The following OSBPL6 variants were observed in gnomAD, a reference collection of about 807,000 sequenced individuals.
OSBPL6 encodes oxysterol binding protein like 6.
Under a neutral mutation model 125.8 loss-of-function variants are expected in OSBPL6, and 49 were observed. The observed-to-expected ratio is 0.39, with a 90% confidence interval of 0.31 to 0.49. The LOEUF (loss-of-function observed/expected upper bound fraction) is 0.49. Among genes scored for constraint, OSBPL6 ranks in the 20% least tolerant of loss-of-function variants. The probability of loss-of-function intolerance (pLI) is 0.88; values close to 1 mark genes in which losing one functional copy is unlikely to be tolerated. For missense variants in OSBPL6, 986 were observed against 1,135.4 expected (o/e 0.87, Z 1.89); for synonymous variants, 394 against 391.8 (o/e 1.01, Z -0.07).
intron 12 of OSBPL6, among the ~76,000 whole-genome samples, chr2:178,358,999 A>C (rs994751671): frequency 2.0e-5 from 3 of 152,060 alleles, no homozygotes; most frequent in African/African-American, 7.2e-5. Flanking sequence ...GTGAGACTCC[A>C]TCTCCACAAA....
At chr2:178,310,653 A>G (rs334600) in intron 3 of OSBPL6, among the ~76,000 whole-genome samples, 146,878 of 151,958 alleles carry the variant, frequency 0.97, 71,034 homozygotes, top group Non-Finnish European at 0.98. Context: ...TCCTGACCTC[A>G]TGATCCGCCC....
At chr2:178,340,028 A>G (rs776028337) in intron 11 of OSBPL6, among the ~76,000 whole-genome samples, 1 of 152,162 alleles carries the variant, frequency 6.6e-6, no homozygotes, top group Non-Finnish European at 1.5e-5. Context: ...TAGCCTTTGA[A>G]CCATTAAAAT....
In OSBPL6 at chr2:178,383,026, C is replaced by T. The variant is rs1694621802; in HGVS notation, c.1624C>T (p.Leu542=). Residue 542 remains leucine (L), a splice_region_variant and synonymous_variant, in exon 17 of 25, where the codon CTG becomes TTG. Coordinates refer to ENST00000190611, the MANE Select transcript of OSBPL6 (RefSeq NM_032523.4). ...SVADNISRQI[L]NGELTGGAFR... is the part of the protein sequence containing the mutation. ...CACTGTGACTCTCCTTCTTCCAGTC[C>T]TGAATGGGGAGCTTACAGGAGGGGC... 1 of 1,614,060 alleles carries T rather than the reference C, an allele frequency of 6.2e-7. No individual in the cohort carries two copies. Among genetic ancestry groups the T allele is most frequent in the African/African-American group, 1.3e-5 (1 of 75,048 alleles).
intron 23 of OSBPL6, among the ~76,000 whole-genome samples, chr2:178,392,987 G>GT (rs1299952057): frequency 6.6e-6 from 1 of 151,956 alleles, no homozygotes; most frequent in Non-Finnish European, 1.5e-5. Flanking sequence ...CAATATTTGA[G>GT]TTTTCTATGC....
chr2:178,195,508 G>T (rs1309583924), intron 1 of OSBPL6, among the ~76,000 whole-genome samples: 1 of 152,234 alleles, frequency 6.6e-6, no homozygotes, highest in Non-Finnish European at 1.5e-5. Flanking sequence ...AGCTTCTGCT[G>T]CGTATAGACA....
chr2:178,202,532 C>T (rs1205959211), intron 1 of OSBPL6, among the ~76,000 whole-genome samples: 1 of 152,004 alleles, frequency 6.6e-6, no homozygotes, highest in Admixed American at 6.6e-5. Context: ...TTTAAGATTT[C>T]TTTTTATCTG....
intron 1 of OSBPL6, among the ~76,000 whole-genome samples, chr2:178,195,921 A>G (rs2088860040): frequency 6.6e-6 from 1 of 152,210 alleles, no homozygotes; most frequent in South Asian, 2.1e-4. Flanking sequence ...AGGTAAAAAT[A>G]AGAAATTTCC....
intron 2 of OSBPL6, among the ~76,000 whole-genome samples, chr2:178,293,738 TCTAA>T (rs1174889806): frequency 6.6e-6 from 1 of 152,208 alleles, no homozygotes; most frequent in East Asian, 1.9e-4. Context: ...ATTCACTCAT[TCTAA>T]CTATTTTTTG....
intron 1 of OSBPL6, among the ~76,000 whole-genome samples, chr2:178,219,306 C>A (rs2090239741): frequency 6.6e-6 from 1 of 152,058 alleles, no homozygotes; most frequent in African/African-American, 2.4e-5. Flanking sequence ...CCCCATTTTA[C>A]AAAATAGGAA....
intron 1 of OSBPL6, among the ~76,000 whole-genome samples, chr2:178,212,924 C>T (rs757675640): frequency 2.6e-5 from 4 of 152,124 alleles, no homozygotes; most frequent in East Asian, 1.9e-4. Flanking sequence ...TCTCCCACCT[C>T]AGCCTCCCGA....
rs1696102475 is a variant in OSBPL6 at position 178,401,457 on chromosome 2, A to T, written c.*5898A>T. The T allele has an allele frequency of 6.6e-6, 1 of 152,256 alleles. No homozygotes were observed. Among genetic ancestry groups the T allele is most frequent in the South Asian group, 2.1e-4 (1 of 4,834 alleles). 9.4% of individuals were successfully genotyped at this position (152,256 alleles called of 1,614,324 possible). On this transcript the variant is annotated 3_prime_UTR_variant, in exon 25 of 25. Coordinates refer to ENST00000190611, the MANE Select transcript of OSBPL6 (RefSeq NM_032523.4). ...TGGCAGTTGTGCAAGTTGAAAGCTTATTCCTTACATCCTGAGCCTAAAAGC... is the reference window on the plus strand; with the variant it reads ...TGGCAGTTGTGCAAGTTGAAAGCTTTTTCCTTACATCCTGAGCCTAAAAGC...
At chr2:178,330,134 C>T (rs1402087795) in intron 5 of OSBPL6, among the ~76,000 whole-genome samples, 1 of 152,146 alleles carries the variant, frequency 6.6e-6, no homozygotes, top group Non-Finnish European at 1.5e-5. Flanking sequence ...CTTTGTGTTT[C>T]CCCAAATTGA....
At chr2:178,241,696 G>A (rs1478300567) in intron 1 of OSBPL6, among the ~76,000 whole-genome samples, 5 of 152,136 alleles carry the variant, frequency 3.3e-5, no homozygotes, top group African/African-American at 7.2e-5. Flanking sequence ...GATTATAGGC[G>A]TGAGCCACTG....
At chr2:178,383,337 A>G in intron 17 of OSBPL6, 60 bp downstream of exon 17, 1 of 1,556,432 alleles carries the variant, frequency 6.4e-7, no homozygotes, top group South Asian at 1.2e-5. Flanking sequence ...GACCTGGGCT[A>G]AGCCAGAATT....
Position 178,383,073 on chromosome 2 carries a change from A to C in OSBPL6, c.1671A>C (p.Ala557=). ...TGGAFRNGRR[A]CLPAPCPDTS... Reference sequence around the variant, plus strand: ...GGGCCTTCCGAAATGGGCGTCGAGCATGCCTGCCAGCTCCTTGTCCTGACA... The same window carrying C: ...GGGCCTTCCGAAATGGGCGTCGAGCCTGCCTGCCAGCTCCTTGTCCTGACA... Residue 557 remains alanine, a synonymous_variant, in exon 17 of 25, where the codon GCA becomes GCC. Coordinates refer to ENST00000190611, the MANE Select transcript of OSBPL6 (RefSeq NM_032523.4). The C allele has an allele frequency of 6.2e-7, 1 of 1,614,204 alleles. No homozygotes were observed. Among genetic ancestry groups the C allele is most frequent in the Non-Finnish European group, 8.5e-7 (1 of 1,180,032 alleles).
chr2:178,282,633 T>C (rs1684313288), intron 1 of OSBPL6, among the ~76,000 whole-genome samples: 1 of 152,094 alleles, frequency 6.6e-6, no homozygotes, highest in Admixed American at 6.6e-5. Flanking sequence ...AAGGAAGAGA[T>C]GGCTAAGGGA....
intron 1 of OSBPL6, among the ~76,000 whole-genome samples, chr2:178,261,930 G>A (rs1559174731): frequency 3.9e-5 from 6 of 152,096 alleles, no homozygotes; most frequent in Admixed American, 3.3e-4. Context: ...CAGTGGTTCT[G>A]GTTTTCCTTT....
intron 1 of OSBPL6, among the ~76,000 whole-genome samples, chr2:178,256,278 T>C (rs1486590735): frequency 6.6e-6 from 1 of 152,192 alleles, no homozygotes; most frequent in African/African-American, 2.4e-5. Flanking sequence ...GACATAGCTT[T>C]GGTATTTTGT....
rs1246232590 is a variant in OSBPL6 at position 178,292,172 on chromosome 2, T to C, written c.-156+7051T>C. The stretch of plus-strand genomic sequence containing the variant: ...TTGGTACAGGACCTTCCAGTAAACT[T>C]TTAACCCGTCTTCTCAAAATATCTT... On this transcript the variant is annotated intron_variant, in intron 2 of 24. Coordinates refer to ENST00000190611, the MANE Select transcript of OSBPL6 (RefSeq NM_032523.4). Among the ~76,000 whole-genome samples, 3 of 152,036 alleles carry C rather than the reference T, an allele frequency of 2.0e-5. No individual in the cohort carries two copies. The South Asian group carries it at 6.2e-4, about 32-fold the overall frequency.
Sources: allele counts gnomAD v4.1 joint callset (sites outside exome capture counted in the v4.1 genomes callset), GRCh38; gene constraint gnomAD v4.1.1; transcripts MANE v1.5; gene names NCBI Gene and HGNC (gene_info 2026-07-23, HGNC 2026-07-21).